TRIM36: variants seen among roughly 807,000 people sequenced by gnomAD.
The protein encoded by TRIM36 is tripartite motif containing 36, also known as E3 ubiquitin-protein ligase TRIM36.
A neutral mutation model predicts 72.4 loss-of-function variants in TRIM36; 42 were observed. That is an observed-to-expected ratio of 0.58 (90% CI 0.45 to 0.75). TRIM36 has a LOEUF of 0.75. Ranked by LOEUF, TRIM36 falls within the 30% of genes least tolerant of loss-of-function variation. The pLI, the probability that TRIM36 is intolerant of heterozygous loss-of-function variation, is 0.00. For missense variants in TRIM36, 913 were observed against 857.1 expected (o/e 1.07, Z -0.81); for synonymous variants, 315 against 282.8 (o/e 1.11, Z -1.14).
At chr5:115,163,473 A>C (rs761309122) in intron 2 of TRIM36, 45 bp downstream of exon 2, 2 of 1,518,084 alleles carry the variant, frequency 1.3e-6, no homozygotes, top group South Asian at 2.2e-5. Context: ...ATATATCTAT[A>C]AGCTTACCCC....
At chr5:115,151,291 G>A (rs960042213) in intron 2 of TRIM36, among the ~76,000 whole-genome samples, 1 of 152,154 alleles carries the variant, frequency 6.6e-6, no homozygotes, top group Non-Finnish European at 1.5e-5. Flanking sequence ...GCATGACACA[G>A]CAGAGGTGGC....
intron 7 of TRIM36, among the ~76,000 whole-genome samples, chr5:115,136,244 C>T (rs1426090867): frequency 1.3e-5 from 2 of 152,050 alleles, no homozygotes. Context: ...TTAGAATGGG[C>T]CCTACTCCAA....
At chr5:115,158,415 T>C (rs1338431929) in intron 2 of TRIM36, among the ~76,000 whole-genome samples, 3 of 152,196 alleles carry the variant, frequency 2.0e-5, no homozygotes, top group African/African-American at 7.2e-5. Context: ...CATTTAAATA[T>C]CAAAGAGAAA....
In TRIM36 at chr5:115,147,170, T is replaced by C. The variant is rs752829981; in HGVS notation, c.487A>G (p.Ser163Gly). Reference sequence around the variant, plus strand: ...AAGCATTCATTGCAGTAACTTGCACTACAGTCCATGCAGCTTTTTGTGGAT... The same window carrying C: ...AAGCATTCATTGCAGTAACTTGCACCACAGTCCATGCAGCTTTTTGTGGAT... ...QESTKSCMDC[S>G]ASYCNECFKI... The change falls in exon 3 of 10, where the codon AGT (serine) becomes GGT (glycine). Residue 163 changes from serine (S) to glycine (G), a missense_variant. Coordinates refer to ENST00000513154, the MANE Select transcript of TRIM36 (RefSeq NM_001300759.2). 1.7e-5 allele frequency: 28 copies of C among 1,614,236 alleles called. No homozygotes were observed. In the South Asian group the frequency reaches 2.7e-4, roughly 16 times the overall value.
At chr5:115,155,333 G>A (rs186359648) in intron 2 of TRIM36, among the ~76,000 whole-genome samples, 1 of 152,158 alleles carries the variant, frequency 6.6e-6, no homozygotes, top group Non-Finnish European at 1.5e-5. Context: ...GGGCAACAAA[G>A]AGCGAAACTC....
At chr5:115,127,775 T>C (rs1042235275) in intron 9 of TRIM36, among the ~76,000 whole-genome samples, 1 of 152,212 alleles carries the variant, frequency 6.6e-6, no homozygotes, top group Non-Finnish European at 1.5e-5. Flanking sequence ...GCAATGCTTT[T>C]ATTGTTATTG....
chr5:115,143,509 T>A (rs1288820735), intron 4 of TRIM36, among the ~76,000 whole-genome samples: 2 of 150,648 alleles, frequency 1.3e-5, no homozygotes, highest in Non-Finnish European at 3.0e-5. Context: ...AAAAAAAAAA[T>A]CAAAACTGAC....
chr5:115,145,362 T>A (rs1561431017), intron 3 of TRIM36, among the ~76,000 whole-genome samples: 2 of 152,192 alleles, frequency 1.3e-5, no homozygotes, highest in Non-Finnish European at 2.9e-5. Flanking sequence ...TTAAAAGCTA[T>A]CAAATAACAT....
At chr5:115,130,172 T>C (rs1752599900) in intron 9 of TRIM36, among the ~76,000 whole-genome samples, 1 of 152,188 alleles carries the variant, frequency 6.6e-6, no homozygotes, top group Non-Finnish European at 1.5e-5. Context: ...TGCGGAAATA[T>C]GTCTACCATG....
chr5:115,173,122 C>G (rs1755188856), upstream of TRIM36, among the ~76,000 whole-genome samples: 1 of 152,222 alleles, frequency 6.6e-6, no homozygotes. Context: ...AAGTCATCAA[C>G]TTCTCTGTTT....
chr5:115,157,599 G>C (rs751771827), intron 2 of TRIM36, among the ~76,000 whole-genome samples: 5 of 151,978 alleles, frequency 3.3e-5, no homozygotes, highest in Non-Finnish European at 4.4e-5. Context: ...ACTACCATTT[G>C]ATCCAGCAGT....
intron 2 of TRIM36, chr5:115,159,623 C>T (rs1183588334): frequency 6.6e-6 from 3 of 453,174 alleles, no homozygotes; most frequent in African/African-American, 6.0e-5. Flanking sequence ...GCCACAAAAG[C>T]AATAAAACAT....
At chr5:115,175,858 C>T (rs1755310756) in intron 1 of TRIM36, among the ~76,000 whole-genome samples, 1 of 152,186 alleles carries the variant, frequency 6.6e-6, no homozygotes, top group South Asian at 2.1e-4. Flanking sequence ...GATGCGGTGG[C>T]TCACCCCTGT....
rs1755011275 is a variant in TRIM36 at position 115,169,897 on chromosome 5, C to A, written c.-263G>T. ...CCAGCTGCCGGCTGCAGCAGCGGCT[C>A]CTGCGGACTGCGGCTGGGAACGGCG... On this transcript the variant is annotated 5_prime_UTR_variant, in exon 1 of 10. Transcript: ENST00000513154. 2 of 1,295,888 alleles carry A rather than the reference C, an allele frequency of 1.5e-6. No individual in the cohort carries two copies. The highest frequency in any genetic ancestry group is 2.0e-6 in the Non-Finnish European group (2 of 1,021,302). The allele number at this position is 1,295,888 out of a possible 1,614,324, so 80.3% of individuals were successfully genotyped here.
chr5:115,150,589 A>G (rs943901609), intron 2 of TRIM36, among the ~76,000 whole-genome samples: 29 of 152,224 alleles, frequency 1.9e-4, no homozygotes, highest in Admixed American at 4.6e-4. Flanking sequence ...CAGCATGTGG[A>G]TGCTAGCACT....
At chr5:115,168,733 T>C (rs1754921003) in intron 1 of TRIM36, among the ~76,000 whole-genome samples, 1 of 152,202 alleles carries the variant, frequency 6.6e-6, no homozygotes. Flanking sequence ...CATCAAAGAA[T>C]ACAGAATATT....
At position 115,163,799 on chromosome 5, in the gene TRIM36, T is replaced by C. The variant is rs757615475; in HGVS notation, c.28-47A>G. On this transcript the variant is annotated intron_variant, in intron 1 of 9. Coordinates refer to ENST00000513154, the MANE Select transcript of TRIM36 (RefSeq NM_001300759.2). Reference sequence around the variant, plus strand: ...GTTAAAGGCTCTTAGTGGGTAAATATATTAACATTCTTATACCTCCTGAAT... The same window carrying C: ...GTTAAAGGCTCTTAGTGGGTAAATACATTAACATTCTTATACCTCCTGAAT... 36 of 1,425,400 alleles carry C rather than the reference T, an allele frequency of 2.5e-5. No homozygotes were observed. In the South Asian group the frequency reaches 4.2e-4, roughly 17 times the overall value. The allele number at this position is 1,425,400 out of a possible 1,614,324, so 88.3% of individuals were successfully genotyped here.
At chr5:115,176,768 C>G (rs527958438) in intron 1 of TRIM36, among the ~76,000 whole-genome samples, 13 of 146,936 alleles carry the variant, frequency 8.8e-5, no homozygotes, top group African/African-American at 3.3e-4. Context: ...TAGATATTGA[C>G]CACAGATTTG....
chr5:115,141,199 T>C, intron 5 of TRIM36, 80 bp downstream of exon 5: 2 of 1,067,148 alleles, frequency 1.9e-6, no homozygotes, highest in East Asian at 5.2e-5. Flanking sequence ...TATAATACTC[T>C]CAGGATTTTA....
Sources: allele counts gnomAD v4.1 joint callset (sites outside exome capture counted in the v4.1 genomes callset), GRCh38; gene constraint gnomAD v4.1.1; transcripts MANE v1.5; gene names NCBI Gene and HGNC (gene_info 2026-07-23, HGNC 2026-07-21).